The following GDPD1 variants were observed in gnomAD, a reference collection of about 807,000 sequenced individuals.
GDPD1 encodes the protein glycerophosphodiester phosphodiesterase domain containing 1, also known as lysophospholipase D GDPD1.
Under a neutral mutation model 45.1 loss-of-function variants are expected in GDPD1, and 28 were observed. That is an observed-to-expected ratio of 0.62 (90% CI 0.46 to 0.85). The LOEUF is 0.85. Among genes scored for constraint, GDPD1 ranks in the 40% least tolerant of loss-of-function variants. GDPD1 has a pLI of 0.00. For missense variants in GDPD1, 256 were observed against 364.8 expected, an observed-to-expected ratio of 0.70 and a Z score of 2.43; for synonymous variants, 139 against 131.4, an observed-to-expected ratio of 1.06 and a Z score of -0.40.
At chr17:59,245,213 T>C (rs761972446) in intron 2 of GDPD1, among the ~76,000 whole-genome samples, 1 of 152,184 alleles carries the variant, frequency 6.6e-6, no homozygotes, top group Non-Finnish European at 1.5e-5. Flanking sequence ...TAACTGGATA[T>C]GGAAAGGAGG....
At chr17:59,239,366 T>G (rs2147882238) in intron 2 of GDPD1, among the ~76,000 whole-genome samples, 1 of 152,282 alleles carries the variant, frequency 6.6e-6, no homozygotes, top group African/African-American at 2.4e-5. Context: ...CTGGAAATGT[T>G]GAAACCTTGG....
At chr17:59,221,415 G>C (rs1335524132) in intron 1 of GDPD1, among the ~76,000 whole-genome samples, 1 of 127,722 alleles carries the variant, frequency 7.8e-6, no homozygotes, top group Non-Finnish European at 1.6e-5. Context: ...TGGAAACCTT[G>C]CATCTTTTTT....
At chr17:59,246,721 A>AAAAG in intron 3 of GDPD1, among the ~76,000 whole-genome samples, 1 of 150,206 alleles carries the variant, frequency 6.7e-6, no homozygotes, top group Middle Eastern at 3.4e-3. Flanking sequence ...AAAAAAAAAA[A>AAAAG]AAAAAAAAAA....
chr17:59,256,272 G>C (rs181912576), intron 4 of GDPD1, among the ~76,000 whole-genome samples: 113 of 152,000 alleles, frequency 7.4e-4, no homozygotes, highest in African/African-American at 2.7e-3. Context: ...AGCTGAGATC[G>C]TGTCACTGCA....
At chr17:59,243,147 C>A (rs187432234) in intron 2 of GDPD1, among the ~76,000 whole-genome samples, 3 of 152,202 alleles carry the variant, frequency 2.0e-5, no homozygotes, top group Admixed American at 1.3e-4. Flanking sequence ...CAAGATCACG[C>A]CACTGCACTT....
chr17:59,251,803 C>T (rs574047425), intron 4 of GDPD1, among the ~76,000 whole-genome samples: 55 of 145,936 alleles, frequency 3.8e-4, no homozygotes, highest in Non-Finnish European at 6.7e-4. Context: ...CCCAGGGGTT[C>T]GAGACCAGCC....
chr17:59,273,995 T>A lies in GDPD1; in HGVS notation c.*222T>A. The A allele has an allele frequency of 1.3e-6, 1 of 742,212 alleles. No individual in the cohort carries two copies. Among genetic ancestry groups the A allele is most frequent in the Non-Finnish European group, 1.7e-6 (1 of 604,982 alleles). The allele number at this position is 742,212 out of a possible 1,614,324, so 46.0% of individuals were successfully genotyped here. ...GTTTGTAAATTGTTTAGAAAGATAATTGGTTATGAGATGTAAGTTTTAATT... is the reference window on the plus strand; with the variant it reads ...GTTTGTAAATTGTTTAGAAAGATAAATGGTTATGAGATGTAAGTTTTAATT... On this transcript the variant is annotated 3_prime_UTR_variant, in exon 10 of 10. Coordinates refer to ENST00000284116, the MANE Select transcript of GDPD1 (RefSeq NM_182569.4).
At position 59,220,582 on chromosome 17, in the gene GDPD1, G is replaced by A; in HGVS notation, c.-28G>A. On this transcript the variant is annotated 5_prime_UTR_variant, in exon 1 of 10. The change creates a new upstream start codon in the 5' untranslated region. Coordinates refer to ENST00000284116, the MANE Select transcript of GDPD1 (RefSeq NM_182569.4). ...GCAGCGGAGTTCAGAGGGCCCGGAGGTGGGAGACTTCCCACACGGTGACTG... is the reference window on the plus strand; with the variant it reads ...GCAGCGGAGTTCAGAGGGCCCGGAGATGGGAGACTTCCCACACGGTGACTG... The A allele has an allele frequency of 6.2e-7, 1 of 1,609,000 alleles. No homozygotes were observed. The highest frequency in any genetic ancestry group is 1.1e-5 in the South Asian group (1 of 90,506).
chr17:59,224,523 G>A (rs966845120), intron 1 of GDPD1, among the ~76,000 whole-genome samples: 1 of 151,818 alleles, frequency 6.6e-6, no homozygotes, highest in Admixed American at 6.6e-5. Flanking sequence ...TACTCAGGAG[G>A]CTGAGGCAGG....
intron 3 of GDPD1, among the ~76,000 whole-genome samples, chr17:59,246,045 G>GA (rs1169987892): frequency 9.9e-5 from 15 of 151,698 alleles, no homozygotes; most frequent in African/African-American, 3.6e-4. Context: ...ACTTGAATCT[G>GA]GGAGGTGGAG....
chr17:59,259,064 G>C (rs1333697391), intron 6 of GDPD1, among the ~76,000 whole-genome samples: 2 of 151,216 alleles, frequency 1.3e-5, no homozygotes, highest in Admixed American at 6.6e-5. Flanking sequence ...AATTATTTAA[G>C]GGGTGAAGAT....
rs1231152840 is a variant in GDPD1, at chr17:59,274,529, A to C, written c.*756A>C. ...CTCCGTCTCAAAAAAAAAAAAAAAA[A>C]AAAAAAATGGGAGGCCGAGGCGGGC... On this transcript the variant is annotated 3_prime_UTR_variant, in exon 10 of 10. Coordinates refer to ENST00000284116, the MANE Select transcript of GDPD1 (RefSeq NM_182569.4). 1.7e-5 allele frequency: 2 copies of C among 119,282 alleles called. No homozygotes were observed. Among genetic ancestry groups the C allele is most frequent in the African/African-American group, 7.3e-5 (2 of 27,410 alleles). 7.4% of individuals were successfully genotyped at this position (119,282 alleles called of 1,614,324 possible).
chr17:59,256,986 T>G, intron 4 of GDPD1, 136 bp from the exon 5 acceptor site: 1 of 451,012 alleles, frequency 2.2e-6, no homozygotes, highest in East Asian at 3.6e-5. Context: ...GTTGTTGGAT[T>G]TACATGATTT....
intron 1 of GDPD1, among the ~76,000 whole-genome samples, chr17:59,222,475 G>A (rs889467276): frequency 9.0e-5 from 13 of 144,460 alleles, no homozygotes; most frequent in Admixed American, 5.0e-4. Context: ...CAAAGTGCTG[G>A]AATTACAGGC....
intron 3 of GDPD1, among the ~76,000 whole-genome samples, chr17:59,247,887 C>T (rs1324280390): frequency 6.6e-6 from 1 of 152,100 alleles, no homozygotes; most frequent in Non-Finnish European, 1.5e-5. Context: ...GCCTCAGCCT[C>T]CCAAAGTGCT....
chr17:59,231,114 G>A (rs1673187109), intron 1 of GDPD1, among the ~76,000 whole-genome samples: 1 of 152,062 alleles, frequency 6.6e-6, no homozygotes, highest in African/African-American at 2.4e-5. Context: ...TGTACCAGCG[G>A]CTCGTGCTCA....
At chr17:59,226,330 C>T (rs1357171703) in intron 1 of GDPD1, among the ~76,000 whole-genome samples, 1 of 151,834 alleles carries the variant, frequency 6.6e-6, no homozygotes, top group Non-Finnish European at 1.5e-5. Flanking sequence ...GGTTATCTAA[C>T]CTTGAAAGGA....
At chr17:59,236,523 TCTTG>T (rs2047133198) in intron 2 of GDPD1, among the ~76,000 whole-genome samples, 1 of 152,040 alleles carries the variant, frequency 6.6e-6, no homozygotes, top group Non-Finnish European at 1.5e-5. Context: ...TGAGACAGAG[TCTTG>T]CTCTGTCACC....
intron 6 of GDPD1, 27 bp downstream of exon 6, chr17:59,257,867 A>G (rs1265348339): frequency 2.2e-6 from 3 of 1,371,632 alleles, no homozygotes; most frequent in Non-Finnish European, 3.1e-6. Flanking sequence ...ATACAGAATT[A>G]TCTATCTTTG....
Sources: gnomAD v4.1 joint callset for allele counts (sites outside exome capture counted in the v4.1 genomes callset) on GRCh38, gnomAD v4.1.1 for gene constraint, MANE v1.5 for transcripts, NCBI Gene and HGNC (gene_info 2026-07-23, HGNC 2026-07-21) for gene names.